IQCJ: variants seen among roughly 807,000 people sequenced by gnomAD.
The protein encoded by IQCJ is IQ motif containing J.
IQCJ carries 9 observed loss-of-function variants against 11.0 expected under a neutral mutation model. That is an observed-to-expected ratio of 0.82 (90% CI 0.49 to 1.43). The LOEUF (loss-of-function observed/expected upper bound fraction) is 1.43. IQCJ is among the 40% of genes most tolerant of loss of function. The probability of loss-of-function intolerance (pLI) is 0.00; values close to 1 mark genes in which losing one functional copy is unlikely to be tolerated. For missense variants in IQCJ, 146 were observed against 133.2 expected, an observed-to-expected ratio of 1.10 and a Z score of -0.47; for synonymous variants, 55 against 51.3, an observed-to-expected ratio of 1.07 and a Z score of -0.31.
rs559524504 is a variant in IQCJ, at chr3:159,175,596, C to T, written c.10-70247C>T. ...GCAACCACTGGTCTGCTTGAGTCAT[C>T]AGAGTTTTCCCTTTGTTGGAATTTT... On this transcript the variant is annotated intron_variant, in intron 1 of 3. Transcript: ENST00000397832. 1.3e-4 allele frequency among the ~76,000 whole-genome samples: 20 copies of T among 152,292 alleles called. No homozygotes were observed. The South Asian group carries it at 4.1e-3, about 32-fold the overall frequency.
chr3:159,217,647 A>G (rs1452200576), intron 1 of IQCJ, among the ~76,000 whole-genome samples: 1 of 152,148 alleles, frequency 6.6e-6, no homozygotes, highest in Non-Finnish European at 1.5e-5. Context: ...TTCAGGGAAC[A>G]TTCTTCTACT....
intron 3 of IQCJ, among the ~76,000 whole-genome samples, chr3:159,258,366 C>T (rs147466118): frequency 4.1e-4 from 63 of 152,196 alleles, no homozygotes; most frequent in African/African-American, 1.3e-3. Flanking sequence ...CTAGTCAGCC[C>T]GGGGGAATGG....
chr3:159,245,194 T>C (rs1436451054), intron 1 of IQCJ, among the ~76,000 whole-genome samples: 1 of 151,804 alleles, frequency 6.6e-6, no homozygotes, highest in Non-Finnish European at 1.5e-5. Context: ...GAGAGAAGGG[T>C]TGCTGAATGG....
At chr3:159,080,698 G>A (rs547968626) in intron 1 of IQCJ, among the ~76,000 whole-genome samples, 1 of 152,216 alleles carries the variant, frequency 6.6e-6, no homozygotes, top group African/African-American at 2.4e-5. Context: ...ATTGCCGTAG[G>A]CATTTTACAG....
At chr3:159,258,507 A>G (rs994379841) in intron 3 of IQCJ, among the ~76,000 whole-genome samples, 1 of 152,172 alleles carries the variant, frequency 6.6e-6, no homozygotes. Context: ...TGTGATAATC[A>G]TGGTGCCTCC....
intron 1 of IQCJ, among the ~76,000 whole-genome samples, chr3:159,184,525 G>C (rs1723275492): frequency 1.3e-5 from 2 of 151,980 alleles, no homozygotes; most frequent in African/African-American, 2.4e-5. Context: ...GTGTCTTTTT[G>C]TTTGCTTGTT....
At chr3:159,128,967 T>TA (rs1276806461) in intron 1 of IQCJ, among the ~76,000 whole-genome samples, 2 of 152,150 alleles carry the variant, frequency 1.3e-5, no homozygotes, top group Non-Finnish European at 2.9e-5. Context: ...TTCTTTTTTT[T>TA]ATCCCTATCT....
intron 1 of IQCJ, among the ~76,000 whole-genome samples, chr3:159,121,081 C>T (rs576699377): frequency 2.2e-4 from 33 of 152,188 alleles, no homozygotes; most frequent in African/African-American, 7.7e-4. Context: ...TATCCCAAGA[C>T]AAATATACCC....
At position 159,162,139 on chromosome 3, in the gene IQCJ, A is replaced by G. The variant is rs1025207651; in HGVS notation, c.10-83704A>G. ...CCTTGGGCAGTATGGCCATTTTCACAATATTGATTCTTCCTACCCATGAGC... is the reference window on the plus strand; with the variant it reads ...CCTTGGGCAGTATGGCCATTTTCACGATATTGATTCTTCCTACCCATGAGC... On this transcript the variant is annotated intron_variant, in intron 1 of 3. Transcript: ENST00000397832. 2.4e-4 allele frequency among the ~76,000 whole-genome samples: 37 copies of G among 152,216 alleles called. 1 individual carries two copies. The highest frequency in any genetic ancestry group is 1.7e-3 in the South Asian group (8 of 4,806).
intron 2 of IQCJ, among the ~76,000 whole-genome samples, chr3:159,251,450 T>C (rs1366477829): frequency 1.3e-5 from 2 of 151,826 alleles, no homozygotes; most frequent in Non-Finnish European, 2.9e-5. Flanking sequence ...CAATAGATTA[T>C]GATCTACAGT....
At chr3:159,114,264 T>G (rs1472581) in intron 1 of IQCJ, among the ~76,000 whole-genome samples, 1 of 151,514 alleles carries the variant, frequency 6.6e-6, no homozygotes, top group African/African-American at 2.4e-5. Flanking sequence ...TATCTCACAC[T>G]TATCAGTGAC....
At chr3:159,085,744 C>T (rs1463399549) in intron 1 of IQCJ, among the ~76,000 whole-genome samples, 94 of 151,384 alleles carry the variant, frequency 6.2e-4, no homozygotes, top group East Asian at 9.7e-4. Context: ...TCATGTCCTT[C>T]GCCCACTTTT....
intron 1 of IQCJ, among the ~76,000 whole-genome samples, chr3:159,209,576 G>T (rs1034919496): frequency 6.6e-6 from 1 of 152,182 alleles, no homozygotes; most frequent in Non-Finnish European, 1.5e-5. Flanking sequence ...AAAGGGCACT[G>T]CTTGTAACAC....
chr3:159,258,848 T>G (rs778777557), intron 3 of IQCJ, among the ~76,000 whole-genome samples: 28 of 152,168 alleles, frequency 1.8e-4, no homozygotes, highest in Non-Finnish European at 3.7e-4. Context: ...GCCCCCAGCC[T>G]GACCCCAGGT....
intron 1 of IQCJ, among the ~76,000 whole-genome samples, chr3:159,141,499 A>G (rs1298217618): frequency 6.6e-6 from 1 of 152,232 alleles, no homozygotes; most frequent in Non-Finnish European, 1.5e-5. Context: ...AATCAAGATG[A>G]ATTTTCCACC....
At chr3:159,230,442 T>C (rs1031250271) in intron 1 of IQCJ, among the ~76,000 whole-genome samples, 8 of 152,212 alleles carry the variant, frequency 5.3e-5, no homozygotes, top group Non-Finnish European at 8.8e-5. Flanking sequence ...CACTTAAGAA[T>C]TATGCTGGAT....
chr3:159,218,145 T>C (rs1045268606), intron 1 of IQCJ, among the ~76,000 whole-genome samples: 25 of 152,156 alleles, frequency 1.6e-4, no homozygotes, highest in African/African-American at 5.3e-4. Context: ...ATGTAGTAGT[T>C]ATTGCTATTA....
intron 1 of IQCJ, among the ~76,000 whole-genome samples, chr3:159,077,043 A>G (rs1002747196): frequency 8.5e-5 from 13 of 152,144 alleles, no homozygotes; most frequent in Admixed American, 8.5e-4. Flanking sequence ...CTTCAACGTG[A>G]TTTCTTCTCA....
chr3:159,211,145 C>T (rs1237435074), intron 1 of IQCJ, among the ~76,000 whole-genome samples: 2 of 152,020 alleles, frequency 1.3e-5, no homozygotes, highest in Non-Finnish European at 2.9e-5. Flanking sequence ...ATGATTATTA[C>T]TGATTATCAA....
Sources: gnomAD v4.1 joint callset for allele counts (sites outside exome capture counted in the v4.1 genomes callset) on GRCh38, gnomAD v4.1.1 for gene constraint, MANE v1.5 for transcripts, NCBI Gene and HGNC (gene_info 2026-07-23, HGNC 2026-07-21) for gene names.